The following OPHN1 variants were observed in gnomAD, a reference collection of about 807,000 sequenced individuals.
The protein encoded by OPHN1 is oligophrenin 1, also known as oligophrenin-1.
Under a neutral mutation model 60.7 loss-of-function variants are expected in OPHN1, and 11 were observed. The observed-to-expected ratio is 0.18, with a 90% confidence interval of 0.11 to 0.30. OPHN1 has a LOEUF of 0.30. Among genes scored for constraint, OPHN1 ranks in the 10% least tolerant of loss-of-function variants. The probability of loss-of-function intolerance (pLI) is 1.00; values close to 1 mark genes in which losing one functional copy is unlikely to be tolerated. For synonymous variants in OPHN1, 226 were observed against 222.6 expected (o/e 1.02, Z -0.14); for missense variants, 449 against 611.0 (o/e 0.73, Z 2.80).
At chrX:68,432,640 T>A (rs1331155399) in intron 2 of OPHN1, among the ~76,000 whole-genome samples, 4 of 111,463 alleles carry the variant, frequency 3.6e-5, no homozygotes, top group African/African-American at 1.3e-4. Flanking sequence ...CAGCTACGGA[T>A]CACGTCTTAT....
At chrX:68,154,365 CA>C (rs1421088344) in intron 15 of OPHN1, among the ~76,000 whole-genome samples, 3 of 112,276 alleles carry the variant, frequency 2.7e-5, no homozygotes, top group Admixed American at 9.4e-5. Context: ...GTGTTGCCAC[CA>C]AAACAACACA....
intron 20 of OPHN1, chrX:68,070,755 C>CA: frequency 8.8e-7 from 1 of 1,141,705 alleles, no homozygotes; most frequent in Non-Finnish European, 1.2e-6. Flanking sequence ...AAATACCCCC[C>CA]ACAGGACCAT....
chrX:68,424,530 T>A (rs867862346), intron 2 of OPHN1, among the ~76,000 whole-genome samples: 2 of 111,718 alleles, frequency 1.8e-5, no homozygotes, highest in Non-Finnish European at 3.8e-5. Context: ...TGTGTAACTT[T>A]CCAGATCCTC....
intron 5 of OPHN1, among the ~76,000 whole-genome samples, chrX:68,272,710 T>A (rs1315488226): frequency 8.9e-6 from 1 of 111,879 alleles, no homozygotes; most frequent in African/African-American, 3.2e-5. Flanking sequence ...CACACAACCA[T>A]GAAAACATGT....
chrX:68,384,567 C>T (rs926671127), intron 2 of OPHN1, among the ~76,000 whole-genome samples: 9 of 111,024 alleles, frequency 8.1e-5, no homozygotes, highest in African/African-American at 2.6e-4. Flanking sequence ...TGAAAAACTA[C>T]AAAAATTAGC....
chrX:68,101,227 A>T (rs1354288071), intron 18 of OPHN1, among the ~76,000 whole-genome samples: 1 of 112,403 alleles, frequency 8.9e-6, no homozygotes, highest in Non-Finnish European at 1.9e-5. Flanking sequence ...TTGTCATATC[A>T]TCATGTAATA....
At chrX:68,410,441 A>G (rs1602398720) in intron 2 of OPHN1, among the ~76,000 whole-genome samples, 1 of 110,741 alleles carries the variant, frequency 9.0e-6, no homozygotes, top group Middle Eastern at 4.6e-3. Flanking sequence ...TCACGCCTGT[A>G]ATCCCAGCTA....
chrX:68,161,398 G>A (rs1169266067), intron 15 of OPHN1, among the ~76,000 whole-genome samples: 1 of 110,459 alleles, frequency 9.1e-6, no homozygotes, highest in Admixed American at 9.7e-5. Context: ...ACATGAGCAG[G>A]TCATTCAAAA....
chrX:68,225,506 G>A (rs2077686396), intron 6 of OPHN1, among the ~76,000 whole-genome samples: 1 of 111,740 alleles, frequency 8.9e-6, no homozygotes, highest in Non-Finnish European at 1.9e-5. Context: ...ACAGCTGGGT[G>A]CCCCTCTGAG....
rs761828068 is a variant in OPHN1 at position 68,311,581 on chromosome X, C to G, written c.155-12485G>C. Among the ~76,000 whole-genome samples the G allele has an allele frequency of 1.9e-3, 215 of 110,868 alleles. 1 individual carries two copies. The highest frequency in any genetic ancestry group is 6.5e-3 in the African/African-American group (198 of 30,479). On this transcript the variant is annotated intron_variant, in intron 2 of 24. Coordinates refer to ENST00000355520, the MANE Select transcript of OPHN1 (RefSeq NM_002547.3). ...CCGAGTAACTGGGATTATAAGCACCCGCCATCGCACCTGGCTCATTTTTGT... is the reference window on the plus strand; with the variant it reads ...CCGAGTAACTGGGATTATAAGCACCGGCCATCGCACCTGGCTCATTTTTGT...
At chrX:68,263,951 G>C (rs2077907908) in intron 5 of OPHN1, among the ~76,000 whole-genome samples, 1 of 111,563 alleles carries the variant, frequency 9.0e-6, no homozygotes, top group Admixed American at 9.6e-5. Flanking sequence ...CACTTACAGT[G>C]CAACGAGTTC....
intron 6 of OPHN1, among the ~76,000 whole-genome samples, chrX:68,221,885 A>C: frequency 1.1e-5 from 1 of 91,104 alleles, no homozygotes; most frequent in Non-Finnish European, 2.2e-5. Flanking sequence ...CTTCATGTCT[A>C]AAACACCAAA....
At chrX:68,053,832 G>T (rs1199478262) in intron 21 of OPHN1, 22 bp from the exon 22 acceptor site, 1 of 1,202,013 alleles carries the variant, frequency 8.3e-7, no homozygotes, top group African/African-American at 1.8e-5. Context: ...AATGATACCA[G>T]GAACTTGGAT....
chrX:68,277,107 CA>C (rs2077995256), intron 4 of OPHN1, among the ~76,000 whole-genome samples: 1 of 112,030 alleles, frequency 8.9e-6, no homozygotes, highest in African/African-American at 3.2e-5. Context: ...ACCTTTTTGG[CA>C]CCAGGGAGCA....
At chrX:68,419,849 T>C (rs1312053765) in intron 2 of OPHN1, among the ~76,000 whole-genome samples, 1 of 111,513 alleles carries the variant, frequency 9.0e-6, no homozygotes, top group Non-Finnish European at 1.9e-5. Flanking sequence ...ACCACTACTT[T>C]ATAATTTTCT....
chrX:68,366,276 T>C (rs976824206), intron 2 of OPHN1, among the ~76,000 whole-genome samples: 33 of 110,958 alleles, frequency 3.0e-4, no homozygotes, highest in African/African-American at 1.1e-3. Flanking sequence ...CTGGCAATCA[T>C]AGTGATAATG....
intron 3 of OPHN1, among the ~76,000 whole-genome samples, chrX:68,298,266 G>A (rs1216203382): frequency 9.0e-6 from 1 of 111,617 alleles, no homozygotes; most frequent in Non-Finnish European, 1.9e-5. Flanking sequence ...CTATTCTTGT[G>A]CCACAAAAAT....
At chrX:68,212,032 C>A in intron 8 of OPHN1, 76 bp downstream of exon 8, 1 of 735,685 alleles carries the variant, frequency 1.4e-6, no homozygotes, top group South Asian at 2.3e-5. Context: ...CCTAGAATTC[C>A]AAGAATCAAG....
At chrX:68,385,616 A>G (rs896855037) in intron 2 of OPHN1, among the ~76,000 whole-genome samples, 2 of 112,489 alleles carry the variant, frequency 1.8e-5, no homozygotes, top group Non-Finnish European at 3.7e-5. Flanking sequence ...ATATTCTGAA[A>G]CTAGTGTGAT....
Sources: gnomAD v4.1 joint callset for allele counts (sites outside exome capture counted in the v4.1 genomes callset) on GRCh38, gnomAD v4.1.1 for gene constraint, MANE v1.5 for transcripts, NCBI Gene and HGNC (gene_info 2026-07-23, HGNC 2026-07-21) for gene names.